TG: variants seen among roughly 807,000 people sequenced by gnomAD.
The protein encoded by TG is thyroid hormones.
In TG, 270 loss-of-function variants were observed where a neutral mutation model predicts 324.7. The observed-to-expected ratio is 0.83, with a 90% CI of 0.75 to 0.92. The LOEUF is 0.92. TG is among the 40% of genes least tolerant of loss of function. The pLI, the probability that TG is intolerant of heterozygous loss-of-function variation, is 0.00. For synonymous variants in TG, 1,401 were observed against 1,327.0 expected, an observed-to-expected ratio of 1.06 and a Z score of -1.21; for missense variants, 3,591 against 3,456.4, an observed-to-expected ratio of 1.04 and a Z score of -0.98.
At position 132,885,129 on chromosome 8, in the gene TG, T is replaced by TGG. The variant is rs35717199; in HGVS notation, c.1076-1310_1076-1309dup. Among the ~76,000 whole-genome samples the TGG allele has an allele frequency of 3.0e-3, 415 of 137,942 alleles. 2 individuals carry two copies. The highest frequency in any genetic ancestry group is 0.02 in the South Asian group (77 of 3,942). The allele number at this position is 137,942 out of a possible 152,430, so 90.5% of individuals were successfully genotyped here. A position where few individuals can be genotyped will look rare whatever the true frequency, so the allele number is the denominator to read the frequency against. Reference sequence around the variant, plus strand: ...AAGAGGAAAAAAATATTTTAAAAGTTGGGGGGGGGGCGTGGTGGTTAAAAG... The same window carrying TGG: ...AAGAGGAAAAAAATATTTTAAAAGTTGGGGGGGGGGGGCGTGGTGGTTAAAAG... On this transcript the variant is annotated intron_variant, in intron 8 of 47. Coordinates refer to ENST00000220616, the MANE Select transcript of TG (RefSeq NM_003235.5).
Position 132,866,983 on chromosome 8 carries a change from C to A in TG, c.-18C>A. 2.5e-6 allele frequency: 4 copies of A among 1,578,052 alleles called. No homozygotes were observed. Among genetic ancestry groups the A allele is most frequent in the Non-Finnish European group, 3.5e-6 (4 of 1,158,714 alleles). On this transcript the variant is annotated 5_prime_UTR_variant, in exon 1 of 48. Transcript: ENST00000220616. ...AAGCAGTGGTTTCTCCTCCTTCCTC[C>A]CAGGAAGGGCCAGGAAAATGGCCCT... is the stretch of plus-strand genomic sequence containing the variant.
chr8:133,066,678 C>A (rs1843082687), intron 41 of TG, among the ~76,000 whole-genome samples: 1 of 152,186 alleles, frequency 6.6e-6, no homozygotes, highest in Non-Finnish European at 1.5e-5. Context: ...ATTCCAGCTC[C>A]CAACCTACTG....
chr8:132,897,270 G>A (rs1817255058), intron 11 of TG, among the ~76,000 whole-genome samples: 1 of 152,088 alleles, frequency 6.6e-6, no homozygotes, highest in African/African-American at 2.4e-5. Context: ...ATTGCTGTGA[G>A]GATTAAATTA....
In TG at chr8:132,882,526, C is replaced by T; in HGVS notation, c.803C>T (p.Pro268Leu). The part of the protein sequence containing the change: ...YDTIFAGLDL[P>L]STFTETTLYR... ...ACCATTTTTGCTGGCCTGGACCTTC[C>T]TTCCACCTTCACTGAAACCACCCTG... is the stretch of plus-strand genomic sequence containing the variant. Residue 268 changes from proline to leucine, a missense_variant, in exon 7 of 48, where the codon CCT becomes CTT. By Grantham distance (98) the Pro-to-Leu change is moderately conservative (BLOSUM62 -3). Transcript: ENST00000220616. 6.2e-7 allele frequency: 1 copy of T among 1,614,216 alleles called. No individual in the cohort carries two copies. The highest frequency in any genetic ancestry group is 8.5e-7 in the Non-Finnish European group (1 of 1,180,038).
At chr8:133,093,189 C>T (rs900155989) in intron 41 of TG, among the ~76,000 whole-genome samples, 1 of 148,186 alleles carries the variant, frequency 6.7e-6, no homozygotes, top group Admixed American at 6.6e-5. Flanking sequence ...AAAAAAGCTG[C>T]CCTGCTCATT....
chr8:133,068,732 C>T (rs1287808396), intron 41 of TG, among the ~76,000 whole-genome samples: 2 of 152,160 alleles, frequency 1.3e-5, no homozygotes, highest in African/African-American at 2.4e-5. Context: ...CATACGGAGG[C>T]GGGCAGCAGA....
At chr8:133,071,054 G>A (rs925802608) in intron 41 of TG, among the ~76,000 whole-genome samples, 5 of 152,178 alleles carry the variant, frequency 3.3e-5, no homozygotes, top group Admixed American at 6.5e-5. Context: ...GTGTCAGTTC[G>A]CCTTTCTATA....
chr8:133,101,061 A>T lies in TG; in HGVS notation c.7572+4688A>T, dbSNP rs146237791. On this transcript the variant is annotated intron_variant, in intron 43 of 47. Coordinates refer to ENST00000220616, the MANE Select transcript of TG (RefSeq NM_003235.5). ...GCCAAGTCTCCACTGCAGGTCTCTG[A>T]CCCCAATTGCAGGGCAGGAGTGGGG... 2.8e-3 allele frequency among the ~76,000 whole-genome samples: 428 copies of T among 152,132 alleles called. 3 individuals are homozygous for T. The highest frequency in any genetic ancestry group is 9.8e-3 in the African/African-American group (408 of 41,494).
intron 41 of TG, among the ~76,000 whole-genome samples, chr8:133,081,273 G>T (rs1845701124): frequency 6.6e-6 from 1 of 152,244 alleles, no homozygotes; most frequent in Non-Finnish European, 1.5e-5. Flanking sequence ...TATCCCCAAA[G>T]ATGTGATCCG....
intron 34 of TG, among the ~76,000 whole-genome samples, chr8:132,982,079 A>G (rs1387090149): frequency 6.6e-6 from 1 of 152,226 alleles, no homozygotes; most frequent in Non-Finnish European, 1.5e-5. Context: ...TGAATCATAC[A>G]CAGGATGTAT....
Position 132,871,455 on chromosome 8 carries a change from C to A in TG, c.382C>A (p.Pro128Thr). ...PQCQDSGDYA[P>T]VQCDVQQVQC... is the part of the protein sequence containing the mutation. ...GTGTCAGGATTCAGGGGACTACGCG[C>A]CTGTTCAGTGTGATGTGCAGCAGGT... Residue 128 changes from proline to threonine, a missense_variant, in exon 4 of 48, where the codon CCT becomes ACT. Coordinates refer to ENST00000220616, the MANE Select transcript of TG (RefSeq NM_003235.5). 6.2e-7 allele frequency: 1 copy of A among 1,614,198 alleles called. No individual in the cohort carries two copies. The highest frequency in any genetic ancestry group is 1.1e-5 in the South Asian group (1 of 91,084).
intron 41 of TG, among the ~76,000 whole-genome samples, chr8:133,079,417 T>C (rs1845409676): frequency 6.6e-6 from 1 of 152,224 alleles, no homozygotes; most frequent in South Asian, 2.1e-4. Flanking sequence ...TGTTCCCCTA[T>C]GTAAAAACTA....
At chr8:132,949,784 C>T (rs1324467894) in intron 27 of TG, among the ~76,000 whole-genome samples, 4 of 152,202 alleles carry the variant, frequency 2.6e-5, no homozygotes, top group Non-Finnish European at 4.4e-5. Context: ...ATCATCTGCC[C>T]CAGCCTCTCA....
chr8:133,059,582 C>G (rs998556305), intron 41 of TG, among the ~76,000 whole-genome samples: 4 of 151,996 alleles, frequency 2.6e-5, no homozygotes, highest in Non-Finnish European at 5.9e-5. Context: ...CTTGCAATCC[C>G]ACCAATGGGA....
At chr8:133,073,672 C>A (rs965112753) in intron 41 of TG, among the ~76,000 whole-genome samples, 59 of 152,284 alleles carry the variant, frequency 3.9e-4, no homozygotes, top group Middle Eastern at 3.4e-3. Context: ...TCATAGCAAA[C>A]CACACAATGA....
chr8:132,898,845 T>G lies in TG; in HGVS notation c.3265T>G (p.Trp1089Gly). 6.2e-7 allele frequency: 1 copy of G among 1,614,144 alleles called. No individual in the cohort carries two copies. Reference protein sequence around the residue: ...KSRTSGLLSSWKQARSQENPS... With the variant: ...KSRTSGLLSSGKQARSQENPS... ...TCGAACCAGTGGGCTGCTTTCCAGT[T>G]GGAAACAGGCTAGATCCCAAGAAAA... Residue 1089 changes from tryptophan to glycine, a missense_variant, in exon 14 of 48, where the codon TGG becomes GGG. Physicochemically the swap from Trp to Gly is radical, Grantham distance 184. Coordinates refer to ENST00000220616, the MANE Select transcript of TG (RefSeq NM_003235.5).
intron 26 of TG, among the ~76,000 whole-genome samples, chr8:132,943,548 C>A (rs547452998): frequency 6.6e-6 from 1 of 152,186 alleles, no homozygotes; most frequent in Non-Finnish European, 1.5e-5. Context: ...CCACCTGTCA[C>A]CAGCCCAGTG....
At chr8:132,955,530 G>A (rs1309075685) in intron 27 of TG, among the ~76,000 whole-genome samples, 4 of 152,194 alleles carry the variant, frequency 2.6e-5, no homozygotes, top group Admixed American at 6.5e-5. Context: ...CTTCCTGCCA[G>A]CATAGGAGTG....
Position 132,948,785 on chromosome 8 carries a change from T to C in TG, c.5243T>C (p.Ile1748Thr), listed in dbSNP as rs769500436. ...CTCTTGTGATTCTCAGGTGCCATCA[T>C]CTGTGGGTTGCTGAGCTCACCCAGT... ...VLTQVQGGAI[I>T]CGLLSSPSVL... Residue 1748 changes from isoleucine to threonine, a missense_variant, in exon 27 of 48, where the codon ATC (isoleucine) becomes ACC (threonine). Transcript: ENST00000220616. The C allele has an allele frequency of 2.5e-6, 4 of 1,613,800 alleles. No individual in the cohort carries two copies. The Admixed American group carries it at 6.7e-5, about 27-fold the overall frequency.
Sources: gnomAD v4.1 joint callset for allele counts (sites outside exome capture counted in the v4.1 genomes callset) on GRCh38, gnomAD v4.1.1 for gene constraint, MANE v1.5 for transcripts, NCBI Gene and HGNC (gene_info 2026-07-23, HGNC 2026-07-21) for gene names.